Variants in SERF1B observed in about 807,000 individuals in gnomAD.
SERF1B encodes the protein small EDRK-rich factor 1B.
At chr5:70,032,355 GAGA>G (rs1172809521) in intron 2 of SERF1B, 5 of 841,688 alleles carry the variant, frequency 5.9e-6, no homozygotes, top group Middle Eastern at 3.7e-4. Context: ...GGCAGCTAAT[GAGA>G]AGAAGTCTAT....
intron 2 of SERF1B, among the ~76,000 whole-genome samples, chr5:70,035,364 A>AATCATT (rs1774168620): frequency 7.6e-6 from 1 of 132,246 alleles, no homozygotes; most frequent in Non-Finnish European, 1.6e-5. Context: ...GAATAATTTT[A>AATCATT]ATTATTATTA....
At chr5:70,029,335 C>T (rs1261411667) in intron 2 of SERF1B, among the ~76,000 whole-genome samples, 4 of 151,604 alleles carry the variant, frequency 2.6e-5, no homozygotes, top group Non-Finnish European at 5.9e-5. Flanking sequence ...TGGGTTTCAC[C>T]GTGTTGGCCA....
rs763970203 is a variant in SERF1B at position 70,035,383 on chromosome 5, A to ATTTTTTT, written c.117-6132_117-6126dup. ...AATTTTAATTATTATTATTATTATTATTTTTTTTTTTTTTTGAGACGGAGT... is the reference window on the plus strand; with the variant it reads ...AATTTTAATTATTATTATTATTATTATTTTTTTTTTTTTTTTTTTTTTGAGACGGAGT... On this transcript the variant is annotated intron_variant, in intron 2 of 2. Coordinates refer to ENST00000380750, the MANE Select transcript of SERF1B (RefSeq NM_022978.3). 6.7e-4 allele frequency among the ~76,000 whole-genome samples: 92 copies of ATTTTTTT among 136,470 alleles called. 2 individuals are homozygous for ATTTTTTT. Among genetic ancestry groups the ATTTTTTT allele is most frequent in the Non-Finnish European group, 1.0e-3 (64 of 62,720 alleles). The allele number at this position is 136,470 out of a possible 152,430, so 89.5% of individuals were successfully genotyped here. A position where few individuals can be genotyped will look rare whatever the true frequency, so the allele number is the denominator to read the frequency against.
At chr5:70,032,469 CA>C in intron 2 of SERF1B, 1 of 373,706 alleles carries the variant, frequency 2.7e-6, no homozygotes, top group South Asian at 2.4e-5. Flanking sequence ...GTAGAGTGGA[CA>C]GTCATTACAT....
At chr5:70,028,924 C>A (rs1395575314) in intron 2 of SERF1B, among the ~76,000 whole-genome samples, 2 of 151,574 alleles carry the variant, frequency 1.3e-5, no homozygotes, top group Non-Finnish European at 3.0e-5. Flanking sequence ...TTGCAGTGAG[C>A]TGAGATCGCG....
rs1397338859 is a variant in SERF1B, at chr5:70,036,615, ACACACACACACACACT to A, written c.117-4907_117-4892del. 1.3e-3 allele frequency among the ~76,000 whole-genome samples: 167 copies of A among 130,384 alleles called. 2 individuals are homozygous for A. Among genetic ancestry groups the A allele is most frequent in the Middle Eastern group, 3.6e-3 (1 of 276 alleles). The allele number at this position is 130,384 out of a possible 152,430, so 85.5% of individuals were successfully genotyped here. On this transcript the variant is annotated intron_variant, in intron 2 of 2. Transcript: ENST00000380750. ...AACATACACACACACACACACACACACACACACACACACACTCTCTCTCTCTCTCTCTCTCTCTCTC... is the reference window on the plus strand; with the variant it reads ...AACATACACACACACACACACACACACTCTCTCTCTCTCTCTCTCTCTCTC...
At chr5:70,029,138 CT>C (rs541213410) in intron 2 of SERF1B, among the ~76,000 whole-genome samples, 88 of 145,852 alleles carry the variant, frequency 6.0e-4, no homozygotes, top group African/African-American at 1.4e-3. Flanking sequence ...TAGGTTATGC[CT>C]TTTTTTTTTT....
At chr5:70,032,366 T>TA in intron 2 of SERF1B, 2 of 796,414 alleles carry the variant, frequency 2.5e-6, no homozygotes, top group Non-Finnish European at 3.7e-6. Context: ...AGAAGAAGTC[T>TA]ATGCAGACAA....
chr5:70,041,108 T>G (rs1455311820), intron 2 of SERF1B, among the ~76,000 whole-genome samples: 4 of 147,968 alleles, frequency 2.7e-5, no homozygotes, highest in Admixed American at 1.3e-4. Flanking sequence ...AATTGCATTT[T>G]TGTTGTTTTT....
At chr5:70,036,627 ACACTCTCTCT>A (rs1275833756) in intron 2 of SERF1B, among the ~76,000 whole-genome samples, 7 of 50,308 alleles carry the variant, frequency 1.4e-4, no homozygotes, top group Non-Finnish European at 3.0e-4. Flanking sequence ...ACACACACAC[ACACTCTCTCT>A]CTCTCTCTCT....
At chr5:70,038,294 G>A (rs375018175) in intron 2 of SERF1B, among the ~76,000 whole-genome samples, 10,000 of 141,232 alleles carry the variant, frequency 0.071, 924 homozygotes, top group African/African-American at 0.26. Flanking sequence ...ACAGAGTTAC[G>A]TATTTAACCC....
chr5:70,037,970 A>C (rs1774218724), intron 2 of SERF1B, among the ~76,000 whole-genome samples: 2 of 112,654 alleles, frequency 1.8e-5, no homozygotes, highest in Admixed American at 8.4e-5. Context: ...CAAAAAAAAA[A>C]CAAAAAAAAA....
intron 2 of SERF1B, among the ~76,000 whole-genome samples, chr5:70,038,188 A>G (rs1774224743): frequency 6.6e-6 from 1 of 151,024 alleles, no homozygotes; most frequent in Non-Finnish European, 1.5e-5. Context: ...ATCACATGAC[A>G]TAAGTTTTTG....
At position 70,029,179 on chromosome 5, in the gene SERF1B, A is replaced by T. The variant is rs1299231480; in HGVS notation, c.116+2664A>T. Among the ~76,000 whole-genome samples the T allele has an allele frequency of 1.3e-5, 2 of 150,896 alleles. 1 individual carries two copies. Among genetic ancestry groups the T allele is most frequent in the East Asian group, 3.9e-4 (2 of 5,126 alleles). ...AAGGCAGAGTCTTATTCTGTTGCCC[A>T]TGCTGGAGGGCAGTGGCGTGATCTC... is the stretch of plus-strand genomic sequence containing the variant. On this transcript the variant is annotated intron_variant, in intron 2 of 2. Coordinates refer to ENST00000380750, the MANE Select transcript of SERF1B (RefSeq NM_022978.3).
At chr5:70,029,048 C>T (rs1238288634) in intron 2 of SERF1B, among the ~76,000 whole-genome samples, 53 of 151,854 alleles carry the variant, frequency 3.5e-4, no homozygotes, top group Admixed American at 1.3e-4. Flanking sequence ...TATGCTCAAA[C>T]ATTTATCTTT....
chr5:70,036,727 TG>T (rs1349907341), intron 2 of SERF1B, among the ~76,000 whole-genome samples: 2 of 137,538 alleles, frequency 1.5e-5, no homozygotes, highest in Non-Finnish European at 3.1e-5. Flanking sequence ...AGACCAAAGC[TG>T]AGTAAGAACA....
At chr5:70,035,385 T>TTTA (rs1774170590) in intron 2 of SERF1B, among the ~76,000 whole-genome samples, 1 of 124,820 alleles carries the variant, frequency 8.0e-6, no homozygotes, top group East Asian at 2.1e-4. Flanking sequence ...TTATTATTAT[T>TTTA]TTTTTTTTTT....
intron 2 of SERF1B, 136 bp from the exon 3 acceptor site, chr5:70,041,388 C>T (rs1284239828): frequency 2.9e-6 from 2 of 692,462 alleles, no homozygotes; most frequent in Non-Finnish European, 5.3e-6. Context: ...ATACTTCTCT[C>T]AGTGCTCATG....
chr5:70,041,399 C>A, intron 2 of SERF1B, 125 bp from the exon 3 acceptor site: 1 of 689,236 alleles, frequency 1.5e-6, no homozygotes, highest in South Asian at 1.7e-5. Flanking sequence ...AGTGCTCATG[C>A]AAACATGCAT....
Sources: allele counts gnomAD v4.1 joint callset (sites outside exome capture counted in the v4.1 genomes callset), GRCh38; gene constraint gnomAD v4.1.1; transcripts MANE v1.5; gene names NCBI Gene and HGNC (gene_info 2026-07-23, HGNC 2026-07-21).